KLHL31: variants seen among roughly 807,000 people sequenced by gnomAD.
KLHL31 encodes kelch-like protein 31.
In KLHL31, 32 loss-of-function variants were observed where a neutral mutation model predicts 47.1. The observed-to-expected ratio is 0.68, with a 90% CI of 0.51 to 0.91. The LOEUF (loss-of-function observed/expected upper bound fraction) is 0.91, where lower values mean the gene tolerates loss of function less well. Among genes scored for constraint, KLHL31 ranks in the 40% least tolerant of loss-of-function variants. The probability of loss-of-function intolerance (pLI) is 0.00; values close to 1 mark genes in which losing one functional copy is unlikely to be tolerated. For synonymous variants in KLHL31, 330 were observed against 325.1 expected (o/e 1.01, Z -0.16); for missense variants, 797 against 819.3 (o/e 0.97, Z 0.33).
intron 2 of KLHL31, among the ~76,000 whole-genome samples, chr6:53,652,945 T>A (rs560448636): frequency 6.6e-6 from 1 of 152,314 alleles, no homozygotes; most frequent in East Asian, 1.9e-4. Flanking sequence ...CCAATAGAAC[T>A]GTCTAAAAGC....
intron 1 of KLHL31, among the ~76,000 whole-genome samples, chr6:53,658,112 G>T (rs1185074239): frequency 1.3e-5 from 2 of 152,164 alleles, no homozygotes; most frequent in Non-Finnish European, 2.9e-5. Flanking sequence ...ATCCATCTTG[G>T]TGTGGGCAGC....
rs1764449006 is a variant in KLHL31 at position 53,650,541 on chromosome 6, T to C, written c.*1057A>G. The C allele has an allele frequency of 6.6e-6, 1 of 152,220 alleles. No homozygotes were observed. The highest frequency in any genetic ancestry group is 1.5e-5 in the Non-Finnish European group (1 of 68,038). The allele number at this position is 152,220 out of a possible 1,614,324, so 9.4% of individuals were successfully genotyped here. A position where few individuals can be genotyped will look rare whatever the true frequency, so the allele number is the denominator to read the frequency against. Reference sequence around the variant, plus strand: ...CCATTCATCCAGTTACTACCAAATCTACAAATTCCAAATGTTTCTATCATT... The same window carrying C: ...CCATTCATCCAGTTACTACCAAATCCACAAATTCCAAATGTTTCTATCATT... On this transcript the variant is annotated 3_prime_UTR_variant, in exon 3 of 3. Transcript: ENST00000370905.
chr6:53,659,997 T>C (rs747571961), intron 1 of KLHL31, among the ~76,000 whole-genome samples: 1 of 152,182 alleles, frequency 6.6e-6, no homozygotes, highest in Non-Finnish European at 1.5e-5. Flanking sequence ...TCTTTTTCTT[T>C]ATAGTCTCTT....
At chr6:53,662,516 T>G (rs1482659149) in intron 1 of KLHL31, among the ~76,000 whole-genome samples, 1 of 152,210 alleles carries the variant, frequency 6.6e-6, no homozygotes, top group East Asian at 1.9e-4. Context: ...CCTATGCTAC[T>G]GGAGCTATCC....
intron 1 of KLHL31, among the ~76,000 whole-genome samples, chr6:53,659,883 T>C (rs2127370129): frequency 6.6e-6 from 1 of 152,312 alleles, no homozygotes; most frequent in South Asian, 2.1e-4. Context: ...TACTTCCTAT[T>C]GATGGCTTCT....
chr6:53,651,949 C>A lies in KLHL31; in HGVS notation c.1554G>T (p.Met518Ile). The A allele has an allele frequency of 1.3e-6, 2 of 1,592,574 alleles. No individual in the cohort carries two copies. The highest frequency in any genetic ancestry group is 2.2e-5 in the East Asian group (1 of 44,466). The change falls in exon 3 of 3, where the codon ATG becomes ATT. Residue 518 changes from methionine to isoleucine, a missense_variant. Met to Ile is a conservative substitution (Grantham distance 10). Coordinates refer to ENST00000370905, the MANE Select transcript of KLHL31 (RefSeq NM_001003760.5). The stretch of plus-strand genomic sequence containing the variant: ...CGCGCGGCCCCAGCTGGCTGCCGCC[C>A]ATCACGTACACTCTGTCGCTCAGCG... ...AVTLSDRVYV[M>I]GGSQLGPRGE...
Position 53,651,492 on chromosome 6 carries a change from A to T in KLHL31, c.*106T>A. The stretch of plus-strand genomic sequence containing the variant: ...CCTCGACATATTTTACAATACAATC[A>T]GTGTAGTAAATGTTAAATATTTTCC... On this transcript the variant is annotated 3_prime_UTR_variant, in exon 3 of 3. Coordinates refer to ENST00000370905, the MANE Select transcript of KLHL31 (RefSeq NM_001003760.5). 1 of 1,189,600 alleles carries T rather than the reference A, an allele frequency of 8.4e-7. No homozygotes were observed. Among genetic ancestry groups the T allele is most frequent in the Non-Finnish European group, 1.2e-6 (1 of 864,120 alleles). 73.7% of individuals were successfully genotyped at this position (1,189,600 alleles called of 1,614,324 possible). A position where few individuals can be genotyped will look rare whatever the true frequency, so the allele number is the denominator to read the frequency against.
rs756981198 is a variant in KLHL31, at chr6:53,654,687, G to A, written c.586C>T (p.Arg196Trp). ...NAKAAAQKFI[R>W]DNFLEFAESD... Reference sequence around the variant, plus strand: ...TCTGCAAATTCAAGGAAGTTATCCCGAATAAATTTCTGGGCTGCTGCTTTT... The same window carrying A: ...TCTGCAAATTCAAGGAAGTTATCCCAAATAAATTTCTGGGCTGCTGCTTTT... Residue 196 changes from arginine to tryptophan, a missense_variant, in exon 2 of 3, where the codon CGG becomes TGG. By Grantham distance (101) the Arg-to-Trp change is moderately radical. Coordinates refer to ENST00000370905, the MANE Select transcript of KLHL31 (RefSeq NM_001003760.5). The A allele has an allele frequency of 6.8e-6, 11 of 1,613,970 alleles. No individual in the cohort carries two copies. Among genetic ancestry groups the A allele is most frequent in the South Asian group, 2.2e-5 (2 of 91,076 alleles).
rs780466016 is a variant in KLHL31 at position 53,652,395 on chromosome 6, C to G, written c.1173-65G>C. On this transcript the variant is annotated intron_variant, in intron 2 of 2. Transcript: ENST00000370905. Reference sequence around the variant, plus strand: ...CAGCTGGGGACCCCATGTTACTTTGCAAATCATGAGTGGGAAGCCTGACAC... The same window carrying G: ...CAGCTGGGGACCCCATGTTACTTTGGAAATCATGAGTGGGAAGCCTGACAC... The G allele has an allele frequency of 3.8e-6, 6 of 1,596,612 alleles. No individual in the cohort carries two copies. In the African/African-American group the frequency reaches 8.0e-5, roughly 21 times the overall value.
chr6:53,655,619 T>G (rs1055940766), intron 1 of KLHL31, among the ~76,000 whole-genome samples: 2 of 150,606 alleles, frequency 1.3e-5, no homozygotes, highest in African/African-American at 4.9e-5. Context: ...CTTTTTTTTT[T>G]TTTTTGAGAC....
chr6:53,661,689 A>G (rs1374245832), intron 1 of KLHL31, among the ~76,000 whole-genome samples: 1 of 152,206 alleles, frequency 6.6e-6, no homozygotes, highest in Non-Finnish European at 1.5e-5. Flanking sequence ...GTCACATATT[A>G]ACATGTAGTC....
chr6:53,659,702 G>A (rs1008291446), intron 1 of KLHL31, among the ~76,000 whole-genome samples: 2 of 152,146 alleles, frequency 1.3e-5, no homozygotes, highest in African/African-American at 4.8e-5. Flanking sequence ...CAGTTGGGCA[G>A]GTAATATTCG....
In KLHL31 at chr6:53,654,162, C is replaced by A; in HGVS notation, c.1111G>T (p.Gly371Cys). 1.2e-6 allele frequency: 2 copies of A among 1,613,852 alleles called. No individual in the cohort carries two copies. Among genetic ancestry groups the A allele is most frequent in the East Asian group, 2.2e-5 (1 of 44,892 alleles). The change falls in exon 2 of 3, where the codon GGT becomes TGT. Residue 371 changes from glycine to cysteine, a missense_variant. Transcript: ENST00000370905. ...CTTGCATCATTCTGGTCTTCACCAC[C>A]GGCTACATAAAGAAATCCATCCATC... is the stretch of plus-strand genomic sequence containing the variant. ...AVMDGFLYVA[G>C]GEDQNDARNQ...
Position 53,649,274 on chromosome 6 carries a change from T to C in KLHL31, c.*2324A>G, listed in dbSNP as rs976607763. 2 of 152,180 alleles carry C rather than the reference T, an allele frequency of 1.3e-5. No individual in the cohort carries two copies. Among genetic ancestry groups the C allele is most frequent in the African/African-American group, 4.8e-5 (2 of 41,466 alleles). 9.4% of individuals were successfully genotyped at this position (152,180 alleles called of 1,614,324 possible). On this transcript the variant is annotated 3_prime_UTR_variant, in exon 3 of 3. Transcript: ENST00000370905. Reference sequence around the variant, plus strand: ...TTCCATACTCCTCGCCAATGTGTTATGTCAGAAATTCTGACATTCCAAATT... The same window carrying C: ...TTCCATACTCCTCGCCAATGTGTTACGTCAGAAATTCTGACATTCCAAATT...
chr6:53,651,419 A>AAAAAAAAAAAAAAATT lies in KLHL31; in HGVS notation c.*178_*179insAATTTTTTTTTTTTTT. Reference sequence around the variant, plus strand: ...TTTGCTAAAAAAAAAAAAAAAAAAAAGAGGTAGATTATGCCATACCAGGAA... The same window carrying AAAAAAAAAAAAAAATT: ...TTTGCTAAAAAAAAAAAAAAAAAAAAAAAAAAAAAAAAAATTGAGGTAGATTATGCCATACCAGGAA... On this transcript the variant is annotated 3_prime_UTR_variant, in exon 3 of 3. Transcript: ENST00000370905. The AAAAAAAAAAAAAAATT allele has an allele frequency of 2.8e-6, 1 of 358,178 alleles. No homozygotes were observed. Among genetic ancestry groups the AAAAAAAAAAAAAAATT allele is most frequent in the Non-Finnish European group, 5.0e-6 (1 of 201,500 alleles). 22.2% of individuals were successfully genotyped at this position (358,178 alleles called of 1,614,324 possible). A position where few individuals can be genotyped will look rare whatever the true frequency, so the allele number is the denominator to read the frequency against.
intron 1 of KLHL31, among the ~76,000 whole-genome samples, chr6:53,663,745 C>T (rs1224902323): frequency 6.6e-6 from 1 of 152,096 alleles, no homozygotes; most frequent in African/African-American, 2.4e-5. Context: ...AGTAAACTGG[C>T]TCTTTTTCTT....
In KLHL31 at chr6:53,655,254, T is replaced by C. The variant is rs1581788780; in HGVS notation, c.19A>G (p.Ile7Val). The C allele has an allele frequency of 4.5e-6, 7 of 1,568,196 alleles. No individual in the cohort carries two copies. The East Asian group carries it at 1.6e-4, about 35-fold the overall frequency. The change falls in exon 2 of 3, where the codon ATT (isoleucine) becomes GTT (valine). Residue 7 changes from isoleucine to valine, a missense_variant. Physicochemically the swap from Ile to Val is conservative, Grantham distance 29. Transcript: ENST00000370905. MAPKKKIVKKNKGDINE... is the reference protein window; with the variant it reads MAPKKKVVKKNKGDINE... ...ATATCTCCTTTGTTCTTTTTGACAATCTTCTTTTTGGGTGCCATGTTGGCA... is the reference window on the plus strand; with the variant it reads ...ATATCTCCTTTGTTCTTTTTGACAACCTTCTTTTTGGGTGCCATGTTGGCA...
At chr6:53,660,198 T>C (rs1241478732) in intron 1 of KLHL31, among the ~76,000 whole-genome samples, 1 of 152,080 alleles carries the variant, frequency 6.6e-6, no homozygotes, top group African/African-American at 2.4e-5. Flanking sequence ...AGAATACATA[T>C]ATTTATATAT....
rs1182652697 is a variant in KLHL31 at position 53,655,023 on chromosome 6, AG to A, written c.249del (p.Phe84LeufsTer19). On this transcript the variant is annotated frameshift_variant, in exon 2 of 3. Coordinates refer to ENST00000370905, the MANE Select transcript of KLHL31 (RefSeq NM_001003760.5). LOFTEE classifies it high-confidence loss of function. ...CDLVIGTKTK[S>X]FDVHKSVMAS... is the part of the protein sequence containing the mutation. ...GCCATGACTGACTTATGAACATCAA[AG>A]GATTTGGTTTTGGTACCAATGACTA... The A allele has an allele frequency of 6.2e-7, 1 of 1,614,186 alleles. No homozygotes were observed. The highest frequency in any genetic ancestry group is 8.5e-7 in the Non-Finnish European group (1 of 1,180,028).
Sources: allele counts gnomAD v4.1 joint callset (sites outside exome capture counted in the v4.1 genomes callset), GRCh38; gene constraint gnomAD v4.1.1; transcripts MANE v1.5; gene names NCBI Gene and HGNC (gene_info 2026-07-23, HGNC 2026-07-21).